The following NRG3 variants were observed in gnomAD, a reference collection of about 807,000 sequenced individuals.
NRG3 encodes neuregulin 3, also known as pro-neuregulin-3, membrane-bound isoform.
A neutral mutation model predicts 66.9 loss-of-function variants in NRG3; 31 were observed. The ratio of observed to expected loss-of-function variants is 0.46; its 90% CI spans 0.35 to 0.63. The LOEUF (loss-of-function observed/expected upper bound fraction) is 0.63. Ranked by LOEUF, NRG3 falls within the 20% of genes least tolerant of loss-of-function variation. The pLI is 0.00. For missense variants in NRG3, 910 were observed against 878.9 expected (o/e 1.04, Z -0.45); for synonymous variants, 393 against 359.4 (o/e 1.09, Z -1.06).
At chr10:82,726,030 T>C (rs2057577485) in intron 2 of NRG3, among the ~76,000 whole-genome samples, 1 of 152,110 alleles carries the variant, frequency 6.6e-6, no homozygotes, top group Non-Finnish European at 1.5e-5. Flanking sequence ...TGTGGGCTTA[T>C]AAAAAGAGAG....
chr10:82,347,528 A>T (rs2083109912), intron 1 of NRG3, among the ~76,000 whole-genome samples: 1 of 150,876 alleles, frequency 6.6e-6, no homozygotes, highest in Non-Finnish European at 1.5e-5. Context: ...TGGTGCTGAA[A>T]AAAATGTATA....
At position 82,871,813 on chromosome 10, in the gene NRG3, T is replaced by C. The variant is rs796703208; in HGVS notation, c.1054+6376T>C. ...TCATTTATTTGTTATAGGAATATTT[T>C]TAATTTTTAATTTTTGTTAACCTAA... is the stretch of plus-strand genomic sequence containing the variant. On this transcript the variant is annotated intron_variant, in intron 4 of 8. Coordinates refer to ENST00000372141, the MANE Select transcript of NRG3 (RefSeq NM_001010848.4). 2.4e-4 allele frequency among the ~76,000 whole-genome samples: 36 copies of C among 152,226 alleles called. 1 individual carries two copies. The highest frequency in any genetic ancestry group is 8.4e-4 in the African/African-American group (35 of 41,564).
chr10:81,986,024 T>C (rs1377682791), intron 1 of NRG3, among the ~76,000 whole-genome samples: 1 of 152,186 alleles, frequency 6.6e-6, no homozygotes, highest in Admixed American at 6.5e-5. Flanking sequence ...GCTTGTTTTG[T>C]CTTTTTAAAA....
intron 3 of NRG3, among the ~76,000 whole-genome samples, chr10:82,845,424 GA>G (rs1277705893): frequency 1.3e-5 from 2 of 152,024 alleles, no homozygotes; most frequent in Non-Finnish European, 2.9e-5. Flanking sequence ...TGTCATTATT[GA>G]AAATGAGGAA....
At chr10:82,452,505 G>A (rs2091065079) in intron 2 of NRG3, among the ~76,000 whole-genome samples, 1 of 151,984 alleles carries the variant, frequency 6.6e-6, no homozygotes, top group Non-Finnish European at 1.5e-5. Context: ...ATTCCTTTTT[G>A]TTTTTGCTGT....
intron 1 of NRG3, among the ~76,000 whole-genome samples, chr10:82,220,324 G>T (rs2075881684): frequency 6.6e-6 from 1 of 152,070 alleles, no homozygotes; most frequent in Non-Finnish European, 1.5e-5. Flanking sequence ...GCAACTAAAA[G>T]GTCTTAGGAA....
intron 1 of NRG3, among the ~76,000 whole-genome samples, chr10:81,962,420 G>A (rs2133287300): frequency 6.6e-6 from 1 of 152,264 alleles, no homozygotes; most frequent in South Asian, 2.1e-4. Context: ...ATGTATGATA[G>A]TAATGTATAG....
intron 2 of NRG3, among the ~76,000 whole-genome samples, chr10:82,596,998 A>C (rs569266640): frequency 6.6e-5 from 10 of 152,182 alleles, no homozygotes; most frequent in African/African-American, 2.2e-4. Context: ...GCACTGCATC[A>C]TCCTTCAAGA....
intron 2 of NRG3, among the ~76,000 whole-genome samples, chr10:82,425,823 G>A (rs1246260282): frequency 6.6e-6 from 1 of 152,088 alleles, no homozygotes; most frequent in Non-Finnish European, 1.5e-5. Context: ...GGTTCTCCTA[G>A]AGACTCCTTC....
chr10:82,401,377 T>TCA (rs997486085), intron 2 of NRG3, among the ~76,000 whole-genome samples: 1 of 141,204 alleles, frequency 7.1e-6, no homozygotes, highest in Non-Finnish European at 1.5e-5. Context: ...ATGTGTATAT[T>TCA]CACACACACA....
intron 3 of NRG3, among the ~76,000 whole-genome samples, chr10:82,792,852 T>C (rs1017200634): frequency 5.9e-5 from 9 of 152,014 alleles, no homozygotes; most frequent in African/African-American, 2.2e-4. Flanking sequence ...AGCTAATTTT[T>C]TGTATTTTTA....
At chr10:82,952,452 C>A (rs1190043215) in intron 5 of NRG3, among the ~76,000 whole-genome samples, 5 of 104,174 alleles carry the variant, frequency 4.8e-5, no homozygotes, top group Admixed American at 1.1e-4. Context: ...TAGATATAAA[C>A]GTCTCTCTCT....
At chr10:82,698,848 A>G (rs145603171) in intron 2 of NRG3, among the ~76,000 whole-genome samples, 1 of 152,316 alleles carries the variant, frequency 6.6e-6, no homozygotes, top group African/African-American at 2.4e-5. Flanking sequence ...TCCAAATTCC[A>G]CAATATGCTT....
chr10:82,132,295 T>C (rs2068882865), intron 1 of NRG3, among the ~76,000 whole-genome samples: 1 of 150,980 alleles, frequency 6.6e-6, no homozygotes, highest in African/African-American at 2.4e-5. Flanking sequence ...GAAATAATCA[T>C]ATGGTTTTTG....
chr10:81,955,950 G>C (rs1849791664), intron 1 of NRG3, among the ~76,000 whole-genome samples: 1 of 152,128 alleles, frequency 6.6e-6, no homozygotes, highest in African/African-American at 2.4e-5. Context: ...AGAAAAATCT[G>C]ATCATCACCT....
At chr10:82,385,163 A>T (rs1007226613) in intron 2 of NRG3, among the ~76,000 whole-genome samples, 6 of 151,764 alleles carry the variant, frequency 4.0e-5, no homozygotes, top group African/African-American at 1.5e-4. Context: ...TAAAGGGGTT[A>T]TTTTTTTCTT....
At chr10:82,598,894 A>G (rs995314431) in intron 2 of NRG3, among the ~76,000 whole-genome samples, 2 of 152,092 alleles carry the variant, frequency 1.3e-5, no homozygotes, top group Non-Finnish European at 2.9e-5. Context: ...TACTAAAAAT[A>G]TAAAAATTAG....
chr10:81,952,731 G>A (rs2133205152), intron 1 of NRG3, among the ~76,000 whole-genome samples: 1 of 152,140 alleles, frequency 6.6e-6, no homozygotes, highest in South Asian at 2.1e-4. Context: ...AGCCTCCTGA[G>A]TACTTGGGAC....
chr10:82,314,001 A>G (rs3862545), intron 1 of NRG3, among the ~76,000 whole-genome samples: 3,583 of 152,280 alleles, frequency 0.024, 139 homozygotes, highest in African/African-American at 0.081. Context: ...GAGCTCTGCT[A>G]CTTACTAACC....
Sources: gnomAD v4.1 joint callset for allele counts (sites outside exome capture counted in the v4.1 genomes callset) on GRCh38, gnomAD v4.1.1 for gene constraint, MANE v1.5 for transcripts, NCBI Gene and HGNC (gene_info 2026-07-23, HGNC 2026-07-21) for gene names.